The following AK4 variants were observed in gnomAD, a reference collection of about 807,000 sequenced individuals.
AK4 encodes adenylate kinase 4, also known as adenylate kinase 4, mitochondrial.
A neutral mutation model predicts 24.6 loss-of-function variants in AK4; 13 were observed. The observed-to-expected ratio is 0.53, with a 90% CI of 0.34 to 0.84. The LOEUF is 0.84. Among genes scored for constraint, AK4 ranks in the 40% least tolerant of loss-of-function variants. The pLI is 0.01. For synonymous variants in AK4, 88 were observed against 107.0 expected, an observed-to-expected ratio of 0.82 and a Z score of 1.10; for missense variants, 192 against 288.2, an observed-to-expected ratio of 0.67 and a Z score of 2.42.
At chr1:65,158,608 C>G (rs971746903) in intron 1 of AK4, among the ~76,000 whole-genome samples, 36 of 152,240 alleles carry the variant, frequency 2.4e-4, no homozygotes, top group Non-Finnish European at 5.0e-4. Flanking sequence ...TCAAGCGATT[C>G]TTGTGCCTCA....
At position 65,224,802 on chromosome 1, in the gene AK4, A is replaced by G; in HGVS notation, c.489A>G (p.Lys163=). ...GEPLVQQEDD[K]PEAVAARLRQ... ...CGTTAGTCCAGCAGGAGGATGATAA[A>G]CCCGAAGCAGTTGCTGCCAGGCTAA... The change falls in exon 4 of 5, where the codon AAA becomes AAG. Residue 163 remains lysine (K), a synonymous_variant. Coordinates refer to ENST00000327299, the MANE Select transcript of AK4 (RefSeq NM_013410.4). 1 of 1,613,906 alleles carries G rather than the reference A, an allele frequency of 6.2e-7. No homozygotes were observed. Among genetic ancestry groups the G allele is most frequent in the Non-Finnish European group, 8.5e-7 (1 of 1,179,986 alleles).
intron 1 of AK4, among the ~76,000 whole-genome samples, chr1:65,167,607 C>CTA (rs1650376478): frequency 6.6e-6 from 1 of 151,834 alleles, no homozygotes; most frequent in Non-Finnish European, 1.5e-5. Flanking sequence ...TTCTTAGAGA[C>CTA]TAAACACTAT....
chr1:65,223,156 G>A (rs1009980701), intron 3 of AK4, among the ~76,000 whole-genome samples: 4 of 151,644 alleles, frequency 2.6e-5, no homozygotes, highest in Non-Finnish European at 5.9e-5. Flanking sequence ...GTGGTTAAGA[G>A]TTTCACTAAA....
chr1:65,211,877 G>A (rs1651981710), intron 2 of AK4, among the ~76,000 whole-genome samples: 1 of 152,158 alleles, frequency 6.6e-6, no homozygotes, highest in African/African-American at 2.4e-5. Flanking sequence ...GAAAATAAAG[G>A]GTGAATAGGA....
intron 1 of AK4, among the ~76,000 whole-genome samples, chr1:65,174,098 T>G (rs1650631951): frequency 6.6e-6 from 1 of 152,184 alleles, no homozygotes; most frequent in Admixed American, 6.5e-5. Flanking sequence ...TTTCTGTTCC[T>G]CAGCTTTCAA....
At chr1:65,200,685 G>T (rs1031114164) in intron 2 of AK4, among the ~76,000 whole-genome samples, 18 of 152,140 alleles carry the variant, frequency 1.2e-4, no homozygotes, top group African/African-American at 4.3e-4. Context: ...CATAATTTTC[G>T]ATAAGTATTT....
chr1:65,178,682 C>T (rs943304755), intron 1 of AK4, among the ~76,000 whole-genome samples: 1 of 152,170 alleles, frequency 6.6e-6, no homozygotes, highest in African/African-American at 2.4e-5. Context: ...AGCCCAACTC[C>T]AGTGTGGGAA....
intron 4 of AK4, 116 bp downstream of exon 4, chr1:65,224,986 C>A: frequency 4.4e-6 from 3 of 686,654 alleles, no homozygotes; most frequent in Non-Finnish European, 7.4e-6. Flanking sequence ...TAAACACTAG[C>A]GATCCAAAAC....
intron 2 of AK4, among the ~76,000 whole-genome samples, chr1:65,212,634 G>T (rs572740523): frequency 6.6e-6 from 1 of 152,126 alleles, no homozygotes; most frequent in East Asian, 1.9e-4. Flanking sequence ...GACTACAGAC[G>T]GGCACTACCA....
At chr1:65,221,769 C>A (rs923000863) in intron 3 of AK4, among the ~76,000 whole-genome samples, 1 of 152,208 alleles carries the variant, frequency 6.6e-6, no homozygotes, top group African/African-American at 2.4e-5. Context: ...AGCCTTACCA[C>A]TGAGTTGCTT....
rs538309461 is a variant in AK4 at position 65,196,080 on chromosome 1, A to G, written c.265+5251A>G. ...TGCGATTTTTCTTTAAAGCTCTGGAATAAATCCATTTGGCAAGGTGTGGAG... is the reference window on the plus strand; with the variant it reads ...TGCGATTTTTCTTTAAAGCTCTGGAGTAAATCCATTTGGCAAGGTGTGGAG... On this transcript the variant is annotated intron_variant, in intron 2 of 4. Transcript: ENST00000327299. Among the ~76,000 whole-genome samples the G allele has an allele frequency of 2.6e-5, 4 of 152,320 alleles. No individual in the cohort carries two copies. In the South Asian group the frequency reaches 6.2e-4, roughly 24 times the overall value.
Position 65,224,158 on chromosome 1 carries a change from G to A in AK4, c.439-594G>A, listed in dbSNP as rs527627593. The stretch of plus-strand genomic sequence containing the variant: ...TTTTGAGTAATATAATTTAGGTGAG[G>A]ACACAGTCACTTCAGTTTTTTTTCC... On this transcript the variant is annotated intron_variant, in intron 3 of 4. Coordinates refer to ENST00000327299, the MANE Select transcript of AK4 (RefSeq NM_013410.4). 1.8e-4 allele frequency among the ~76,000 whole-genome samples: 27 copies of A among 152,118 alleles called. 1 individual carries two copies. The South Asian group carries it at 5.6e-3, about 32-fold the overall frequency.
rs1160378296 is a variant in AK4, at chr1:65,227,723, A to G, written c.*1546A>G. 2 of 149,146 alleles carry G rather than the reference A, an allele frequency of 1.3e-5. No homozygotes were observed. Among genetic ancestry groups the G allele is most frequent in the African/African-American group, 5.0e-5 (2 of 39,936 alleles). 9.2% of individuals were successfully genotyped at this position (149,146 alleles called of 1,614,324 possible). ...TTTAACACTTTAGTGGTGTTGAAAC[A>G]CATTACTTACTTTCTGAAGATGTCC... is the stretch of plus-strand genomic sequence containing the variant. On this transcript the variant is annotated 3_prime_UTR_variant, in exon 5 of 5. Transcript: ENST00000327299.
At chr1:65,165,630 A>G (rs182720874) in intron 1 of AK4, among the ~76,000 whole-genome samples, 30 of 151,892 alleles carry the variant, frequency 2.0e-4, no homozygotes, top group African/African-American at 6.3e-4. Flanking sequence ...GTTGGAGCTT[A>G]CATGTAATTC....
At chr1:65,149,917 G>A (rs187616560) in intron 1 of AK4, among the ~76,000 whole-genome samples, 28 of 152,240 alleles carry the variant, frequency 1.8e-4, no homozygotes, top group Admixed American at 5.9e-4. Flanking sequence ...AGGGGAGAGC[G>A]GCCTGAGGGG....
chr1:65,176,800 C>T (rs543714386), intron 1 of AK4, among the ~76,000 whole-genome samples: 1 of 152,284 alleles, frequency 6.6e-6, no homozygotes, highest in Non-Finnish European at 1.5e-5. Context: ...GAACAAAGAG[C>T]TGGGACTCCT....
chr1:65,151,743 TA>T (rs1471735279), intron 1 of AK4, among the ~76,000 whole-genome samples: 1 of 152,216 alleles, frequency 6.6e-6, no homozygotes, highest in Non-Finnish European at 1.5e-5. Flanking sequence ...TTTGTTTAAT[TA>T]GCTCTGATTT....
At chr1:65,174,380 T>C (rs1459961676) in intron 1 of AK4, among the ~76,000 whole-genome samples, 2 of 152,170 alleles carry the variant, frequency 1.3e-5, no homozygotes, top group Admixed American at 1.3e-4. Context: ...GACTGAGTTT[T>C]CTTAATTTTC....
chr1:65,223,987 C>A (rs12735818), intron 3 of AK4, among the ~76,000 whole-genome samples: 4 of 151,948 alleles, frequency 2.6e-5, no homozygotes, highest in African/African-American at 9.7e-5. Context: ...AGTGAGACTC[C>A]GTCTTAAAAT....
Sources: gnomAD v4.1 joint callset for allele counts (sites outside exome capture counted in the v4.1 genomes callset) on GRCh38, gnomAD v4.1.1 for gene constraint, MANE v1.5 for transcripts, NCBI Gene and HGNC (gene_info 2026-07-23, HGNC 2026-07-21) for gene names.